WDR70: variants seen among roughly 807,000 people sequenced by gnomAD.
WDR70 encodes WD repeat domain 70, also known as WD repeat-containing protein 70.
A neutral mutation model predicts 88.6 loss-of-function variants in WDR70; 53 were observed. That is an observed-to-expected ratio of 0.60 (90% CI 0.48 to 0.75). WDR70 has a LOEUF of 0.75. Ranked by LOEUF, WDR70 falls within the 30% of genes least tolerant of loss-of-function variation. The pLI is 0.00. For synonymous variants in WDR70, 280 were observed against 270.0 expected (o/e 1.04, Z -0.36); for missense variants, 610 against 823.2 (o/e 0.74, Z 3.17).
At chr5:37,697,974 C>A in intron 11 of WDR70, 1 of 410,632 alleles carries the variant, frequency 2.4e-6, no homozygotes. Flanking sequence ...TTTTTTTTGG[C>A]CTAAGTTTTT....
intron 10 of WDR70, among the ~76,000 whole-genome samples, chr5:37,693,350 G>GA (rs1382815965): frequency 6.6e-6 from 1 of 152,046 alleles, no homozygotes; most frequent in African/African-American, 2.4e-5. Context: ...CACAGAATTG[G>GA]AAAAAACTAC....
chr5:37,676,880 G>C (rs1406488803), intron 10 of WDR70, among the ~76,000 whole-genome samples: 1 of 152,124 alleles, frequency 6.6e-6, no homozygotes, highest in Non-Finnish European at 1.5e-5. Context: ...CTTTTTGGTT[G>C]GTAAGCTATT....
At chr5:37,474,382 G>A (rs1739415825) in intron 7 of WDR70, among the ~76,000 whole-genome samples, 1 of 152,124 alleles carries the variant, frequency 6.6e-6, no homozygotes, top group African/African-American at 2.4e-5. Flanking sequence ...TGGCTGGTAG[G>A]ATCAGTTACT....
intron 13 of WDR70, 108 bp downstream of exon 13, chr5:37,703,195 C>A: frequency 7.5e-7 from 1 of 1,335,144 alleles, no homozygotes; most frequent in Non-Finnish European, 1.0e-6. Context: ...CCTTAGAGCA[C>A]GGTGATAGCT....
chr5:37,416,802 ACTC>A (rs1326849023), intron 5 of WDR70, among the ~76,000 whole-genome samples: 1 of 151,722 alleles, frequency 6.6e-6, no homozygotes, highest in African/African-American at 2.4e-5. Flanking sequence ...CTGGTCTCAA[ACTC>A]CTCAAGTGAT....
At chr5:37,428,324 T>A (rs753874835) in intron 5 of WDR70, among the ~76,000 whole-genome samples, 5 of 152,216 alleles carry the variant, frequency 3.3e-5, no homozygotes, top group Admixed American at 1.3e-4. Flanking sequence ...GAGTATAGTT[T>A]GTGAAATTTT....
chr5:37,545,564 C>G (rs1429576360), intron 9 of WDR70, among the ~76,000 whole-genome samples: 1 of 149,928 alleles, frequency 6.7e-6, no homozygotes, highest in Non-Finnish European at 1.5e-5. Context: ...GATAGAGTCT[C>G]ACTCTGTCAC....
intron 9 of WDR70, among the ~76,000 whole-genome samples, chr5:37,602,798 G>A (rs973597016): frequency 6.6e-6 from 1 of 151,764 alleles, no homozygotes; most frequent in Non-Finnish European, 1.5e-5. Context: ...CCAACATGGT[G>A]AAACCCCATC....
intron 9 of WDR70, among the ~76,000 whole-genome samples, chr5:37,522,313 C>T (rs191160677): frequency 2.6e-4 from 39 of 151,530 alleles, no homozygotes; most frequent in Non-Finnish European, 5.0e-4. Context: ...CTATGAAAAA[C>T]ACAAAAAATT....
intron 2 of WDR70, among the ~76,000 whole-genome samples, chr5:37,381,353 G>A (rs76064760): frequency 0.036 from 5,410 of 152,222 alleles, 333 homozygotes; most frequent in African/African-American, 0.12. Context: ...CCCCACATCA[G>A]TGTTGTTGTT....
intron 10 of WDR70, among the ~76,000 whole-genome samples, chr5:37,657,969 A>C (rs1288008941): frequency 3.3e-5 from 5 of 152,256 alleles, no homozygotes; most frequent in African/African-American, 1.2e-4. Context: ...ACCAATAAAT[A>C]AAGTCAATTA....
At chr5:37,384,243 A>G (rs1219532871) in intron 3 of WDR70, among the ~76,000 whole-genome samples, 2 of 141,312 alleles carry the variant, frequency 1.4e-5, no homozygotes, top group African/African-American at 5.4e-5. Flanking sequence ...GTGCAGTGGC[A>G]TGACCTTGCC....
At chr5:37,693,447 C>T (rs1408357678) in intron 10 of WDR70, among the ~76,000 whole-genome samples, 1 of 152,170 alleles carries the variant, frequency 6.6e-6, no homozygotes, top group Non-Finnish European at 1.5e-5. Context: ...ATCATGCTAC[C>T]TGACTTCAAA....
chr5:37,483,922 G>A (rs1486355777), intron 8 of WDR70, among the ~76,000 whole-genome samples: 15 of 150,732 alleles, frequency 1.0e-4, no homozygotes, highest in Admixed American at 2.0e-4. Flanking sequence ...AGACGGGGTC[G>A]CGGCCGGGCA....
At chr5:37,529,238 T>A (rs1350073279) in intron 9 of WDR70, among the ~76,000 whole-genome samples, 1 of 152,180 alleles carries the variant, frequency 6.6e-6, no homozygotes, top group Non-Finnish European at 1.5e-5. Flanking sequence ...ATAGTATAGT[T>A]TGAAGTCAGA....
chr5:37,433,065 A>T (rs1474241598), intron 5 of WDR70, among the ~76,000 whole-genome samples: 2 of 151,234 alleles, frequency 1.3e-5, no homozygotes, highest in African/African-American at 4.9e-5. Context: ...AAAATCTCAG[A>T]TTTTTTTTTG....
chr5:37,557,290 T>C (rs538770975), intron 9 of WDR70, among the ~76,000 whole-genome samples: 1 of 151,046 alleles, frequency 6.6e-6, no homozygotes, highest in African/African-American at 2.4e-5. Context: ...CAAGTAGCTA[T>C]TGTAATTAAT....
intron 9 of WDR70, among the ~76,000 whole-genome samples, chr5:37,522,030 CTAT>C (rs1471554609): frequency 1.3e-5 from 2 of 152,054 alleles, no homozygotes; most frequent in African/African-American, 4.8e-5. Flanking sequence ...CCACCAACAT[CTAT>C]TATTTTTTGA....
chr5:37,544,400 T>C (rs531867739), intron 9 of WDR70, among the ~76,000 whole-genome samples: 2 of 152,328 alleles, frequency 1.3e-5, no homozygotes, highest in African/African-American at 2.4e-5. Context: ...TATGTTATAC[T>C]TGGGGTATAG....
Sources: allele counts gnomAD v4.1 joint callset (sites outside exome capture counted in the v4.1 genomes callset), GRCh38; gene constraint gnomAD v4.1.1; transcripts MANE v1.5; gene names NCBI Gene and HGNC (gene_info 2026-07-23, HGNC 2026-07-21).